SEC23IP: variants seen among roughly 807,000 people sequenced by gnomAD.
The protein encoded by SEC23IP is SEC23 interacting protein, also known as SEC23-interacting protein.
A neutral mutation model predicts 113.4 loss-of-function variants in SEC23IP; 70 were observed. The observed-to-expected ratio is 0.62, with a 90% CI of 0.51 to 0.75. SEC23IP has a LOEUF of 0.75. SEC23IP is among the 30% of genes least tolerant of loss of function. SEC23IP has a pLI of 0.00. For synonymous variants in SEC23IP, 398 were observed against 421.0 expected (o/e 0.95, Z 0.67); for missense variants, 1,160 against 1,204.9 (o/e 0.96, Z 0.55).
Position 119,912,100 on chromosome 10 carries a change from T to C in SEC23IP, c.1248T>C (p.Asp416=). 2.5e-6 allele frequency: 4 copies of C among 1,614,152 alleles called. No homozygotes were observed. Among genetic ancestry groups the C allele is most frequent in the African/African-American group, 1.3e-5 (1 of 75,056 alleles). ...CAGATGAATGGGGCACCACGCAAGA[T>C]GGACAGACAAGGCCCAGGGTTGTAA... is the stretch of plus-strand genomic sequence containing the variant. ...SVPDEWGTTQ[D]GQTRPRVVKR... Residue 416 remains aspartate (D), a synonymous_variant, in exon 6 of 19, where the codon GAT becomes GAC. Transcript: ENST00000369075.
chr10:119,923,810 A>T (rs1272274850), intron 12 of SEC23IP, among the ~76,000 whole-genome samples: 3 of 152,122 alleles, frequency 2.0e-5, no homozygotes, highest in Admixed American at 2.0e-4. Flanking sequence ...TGCCCTCCCA[A>T]AGTGCTGGGA....
At chr10:119,921,765 A>G (rs547624979) in intron 12 of SEC23IP, among the ~76,000 whole-genome samples, 3 of 152,334 alleles carry the variant, frequency 2.0e-5, no homozygotes, top group Non-Finnish European at 2.9e-5. Flanking sequence ...AGGTTTTCTA[A>G]TTAGAAAAAT....
chr10:119,919,097 G>A (rs898205818), intron 10 of SEC23IP, among the ~76,000 whole-genome samples: 2 of 151,110 alleles, frequency 1.3e-5, no homozygotes, highest in African/African-American at 2.4e-5. Flanking sequence ...GGTTTCAAGC[G>A]ATTCTCCTGC....
At chr10:119,932,966 A>T in intron 16 of SEC23IP, 39 bp from the exon 17 acceptor site, 1 of 1,569,982 alleles carries the variant, frequency 6.4e-7, no homozygotes, top group Non-Finnish European at 8.8e-7. Flanking sequence ...GATAAAGATT[A>T]AGTGATTGAC....
At position 119,917,881 on chromosome 10, in the gene SEC23IP, C is replaced by T. The variant is rs1380720537; in HGVS notation, c.1590C>T (p.His530=). 6.2e-7 allele frequency: 1 copy of T among 1,614,036 alleles called. No homozygotes were observed. The highest frequency in any genetic ancestry group is 1.1e-5 in the South Asian group (1 of 91,086). Residue 530 remains histidine (H), a synonymous_variant, in exon 9 of 19, where the codon CAC becomes CAT. Transcript: ENST00000369075. Reference sequence around the variant, plus strand: ...TGCCAAGTATTGGTCGATTTCGTCACTTTACCAATGAAACTTTGCTAGATA... The same window carrying T: ...TGCCAAGTATTGGTCGATTTCGTCATTTTACCAATGAAACTTTGCTAGATA... ...ITLPSIGRFR[H]FTNETLLDIL...
In SEC23IP at chr10:119,915,970, T is replaced by G. The variant is rs1589835830; in HGVS notation, c.1544+81T>G. On this transcript the variant is annotated intron_variant, in intron 8 of 18. Coordinates refer to ENST00000369075, the MANE Select transcript of SEC23IP (RefSeq NM_007190.4). Reference sequence around the variant, plus strand: ...TAAACCGTAATATGAAATAGTTTATTGTAGCTTCAATCAATATGTTTTTAA... The same window carrying G: ...TAAACCGTAATATGAAATAGTTTATGGTAGCTTCAATCAATATGTTTTTAA... 5.9e-6 allele frequency: 7 copies of G among 1,185,860 alleles called. No individual in the cohort carries two copies. In the East Asian group the frequency reaches 1.9e-4, roughly 33 times the overall value. The allele number at this position is 1,185,860 out of a possible 1,614,324, so 73.5% of individuals were successfully genotyped here. A position where few individuals can be genotyped will look rare whatever the true frequency, so the allele number is the denominator to read the frequency against.
chr10:119,937,334 C>T (rs571798237), intron 18 of SEC23IP, among the ~76,000 whole-genome samples: 17 of 152,016 alleles, frequency 1.1e-4, no homozygotes, highest in South Asian at 2.1e-4. Flanking sequence ...TTTAAAAATA[C>T]GTAGCCCTAC....
At chr10:119,930,296 CTTTT>C in intron 14 of SEC23IP, 29 bp from the exon 15 acceptor site, 1 of 1,332,038 alleles carries the variant, frequency 7.5e-7, no homozygotes, top group South Asian at 1.4e-5. Flanking sequence ...TCATAAATTT[CTTTT>C]ATTTATTCAT....
chr10:119,929,316 C>G lies in SEC23IP; in HGVS notation c.2314-291C>G, dbSNP rs185459193. On this transcript the variant is annotated intron_variant, in intron 13 of 18. Coordinates refer to ENST00000369075, the MANE Select transcript of SEC23IP (RefSeq NM_007190.4). ...TGGTGTGATCTTGGCTCACTGCAAC[C>G]TCCACCTCCCGGGTTCAAGCGATTC... Among the ~76,000 whole-genome samples, 801 of 152,218 alleles carry G rather than the reference C, an allele frequency of 5.3e-3. 11 individuals carry two copies. Among genetic ancestry groups the G allele is most frequent in the African/African-American group, 0.019 (775 of 41,522 alleles).
At chr10:119,901,049 G>T (rs1471049108) in intron 2 of SEC23IP, among the ~76,000 whole-genome samples, 11 of 143,820 alleles carry the variant, frequency 7.6e-5, no homozygotes, top group Non-Finnish European at 1.5e-4. Flanking sequence ...AAGAGTGGGG[G>T]GGGGGTCTTG....
At chr10:119,916,961 T>G (rs1376757409) in intron 8 of SEC23IP, among the ~76,000 whole-genome samples, 1 of 151,988 alleles carries the variant, frequency 6.6e-6, no homozygotes, top group African/African-American at 2.4e-5. Context: ...CTTGGCCTCC[T>G]GGGCTCAAGT....
At chr10:119,939,798 C>T (rs971839681) in intron 18 of SEC23IP, among the ~76,000 whole-genome samples, 3 of 152,144 alleles carry the variant, frequency 2.0e-5, no homozygotes, top group African/African-American at 7.2e-5. Flanking sequence ...CAGGCTCAAG[C>T]GATCCTCCTA....
chr10:119,899,159 C>T (rs1313669786), intron 2 of SEC23IP, among the ~76,000 whole-genome samples, 200 bp downstream of exon 2: 2 of 152,102 alleles, frequency 1.3e-5, no homozygotes, highest in Non-Finnish European at 2.9e-5. Flanking sequence ...GTGTATATTA[C>T]CTGTTTATTG....
rs538234306 is a variant in SEC23IP, at chr10:119,926,166, T to C, written c.2252T>C (p.Val751Ala). ...ESNEPKRKLP[V>A]GACVSSVCVN... ...AATGAGCCAAAGAGGAAACTTCCAG[T>C]TGGTGCTTGCGTGTCTTCTGTGTGT... The change falls in exon 13 of 19, where the codon GTT becomes GCT. Residue 751 changes from valine to alanine, a missense_variant. Val to Ala is a moderately conservative substitution (Grantham distance 64). Coordinates refer to ENST00000369075, the MANE Select transcript of SEC23IP (RefSeq NM_007190.4). 2.0e-5 allele frequency: 32 copies of C among 1,614,046 alleles called. No individual in the cohort carries two copies. Among genetic ancestry groups the C allele is most frequent in the Admixed American group, 1.0e-4 (6 of 59,992 alleles).
intron 4 of SEC23IP, among the ~76,000 whole-genome samples, chr10:119,905,606 A>G (rs1854636778): frequency 6.6e-6 from 1 of 152,188 alleles, no homozygotes; most frequent in African/African-American, 2.4e-5. Context: ...AATGATACGT[A>G]TTGCTCAGCA....
At chr10:119,895,808 A>G (rs1465997279) in intron 1 of SEC23IP, among the ~76,000 whole-genome samples, 1 of 150,936 alleles carries the variant, frequency 6.6e-6, no homozygotes, top group African/African-American at 2.4e-5. Context: ...CTGTCCCTTC[A>G]CCTTTGTCTC....
intron 8 of SEC23IP, 41 bp downstream of exon 8, chr10:119,915,930 T>C: frequency 7.1e-7 from 1 of 1,413,076 alleles, no homozygotes; most frequent in Non-Finnish European, 9.3e-7. Flanking sequence ...ATTAGTCATA[T>C]TTAAATTTAA....
chr10:119,915,727 T>C, intron 7 of SEC23IP, 21 bp from the exon 8 acceptor site: 3 of 750,448 alleles, frequency 4.0e-6, no homozygotes, highest in South Asian at 5.8e-5. Context: ...TTATTTTCTC[T>C]TTTTTTTTTT....
intron 18 of SEC23IP, among the ~76,000 whole-genome samples, chr10:119,939,976 C>T (rs1430858619): frequency 5.3e-5 from 8 of 152,098 alleles, no homozygotes; most frequent in Non-Finnish European, 7.3e-5. Flanking sequence ...GGATTACAGG[C>T]GTGAGCCACA....
Sources: allele counts gnomAD v4.1 joint callset (sites outside exome capture counted in the v4.1 genomes callset), GRCh38; gene constraint gnomAD v4.1.1; transcripts MANE v1.5; gene names NCBI Gene and HGNC (gene_info 2026-07-23, HGNC 2026-07-21).